RGS12: variants seen among roughly 807,000 people sequenced by gnomAD.
RGS12 encodes regulator of G-protein signaling 12.
Under a neutral mutation model 120.1 loss-of-function variants are expected in RGS12, and 66 were observed. That is an observed-to-expected ratio of 0.55 (90% confidence interval 0.45 to 0.67). RGS12 has a LOEUF of 0.67. Among genes scored for constraint, RGS12 ranks in the 30% least tolerant of loss-of-function variants. RGS12 has a pLI of 0.00. For synonymous variants in RGS12, 827 were observed against 804.7 expected (o/e 1.03, Z -0.47); for missense variants, 1,859 against 1,957.7 (o/e 0.95, Z 0.95).
At position 3,348,870 on chromosome 4, in the gene RGS12, A is replaced by AGCC. The variant is rs375071825; in HGVS notation, c.1998+5819_1998+5821dup. 9.8e-4 allele frequency among the ~76,000 whole-genome samples: 149 copies of AGCC among 152,324 alleles called. 1 individual carries two copies. Among genetic ancestry groups the AGCC allele is most frequent in the African/African-American group, 3.4e-3 (143 of 41,582 alleles). ...GTCACACGCAGCAAGGCCAAGCCCA[A>AGCC]GCCGAGGCTGTCAGATTCACCTGGA... On this transcript the variant is annotated intron_variant, in intron 3 of 17. Coordinates refer to ENST00000336727, the MANE Select transcript of RGS12 (RefSeq NM_001394154.1).
Position 3,293,052 on chromosome 4 carries a change from G to GGTGGCGCGGGCC in RGS12, c.-147_-136dup, listed in dbSNP as rs1723132213. 1 of 148,246 alleles carries GGTGGCGCGGGCC rather than the reference G, an allele frequency of 6.7e-6. No homozygotes were observed. The highest frequency in any genetic ancestry group is 1.5e-5 in the Non-Finnish European group (1 of 66,374). 9.2% of individuals were successfully genotyped at this position (148,246 alleles called of 1,614,324 possible). On this transcript the variant is annotated 5_prime_UTR_variant, in exon 1 of 18. Transcript: ENST00000336727. ...CGAGGCGACCGTTGCGCGCGCGGGCGGTGGCGCGGGCCGAAGCGCCCGGAG... is the reference window on the plus strand; with the variant it reads ...CGAGGCGACCGTTGCGCGCGCGGGCGGTGGCGCGGGCCGTGGCGCGGGCCGAAGCGCCCGGAG...
At chr4:3,394,985 AT>A (rs1199587208) in intron 4 of RGS12, among the ~76,000 whole-genome samples, 1 of 152,092 alleles carries the variant, frequency 6.6e-6, no homozygotes, top group Admixed American at 6.6e-5. Context: ...CCTGGCCAAT[AT>A]GGCAAAACCC....
At chr4:3,332,634 C>A (rs1030823269) in intron 2 of RGS12, among the ~76,000 whole-genome samples, 1 of 152,190 alleles carries the variant, frequency 6.6e-6, no homozygotes, top group African/African-American at 2.4e-5. Context: ...GAGGCGCCTA[C>A]TCAAACCTTT....
rs115188744 is a variant in RGS12 at position 3,329,029 on chromosome 4, C to T, written c.1881+10978C>T. On this transcript the variant is annotated intron_variant, in intron 2 of 17. Transcript: ENST00000336727. ...AAGGGGAAGTTGTCAGGCCAAGAGGCTCAGCTGTTGGATTCCAGGTTGGAG... is the reference window on the plus strand; with the variant it reads ...AAGGGGAAGTTGTCAGGCCAAGAGGTTCAGCTGTTGGATTCCAGGTTGGAG... 9.7e-3 allele frequency among the ~76,000 whole-genome samples: 1,479 copies of T among 152,270 alleles called. 12 individuals are homozygous for T. Among genetic ancestry groups the T allele is most frequent in the Non-Finnish European group, 0.016 (1,060 of 68,012 alleles).
intron 3 of RGS12, among the ~76,000 whole-genome samples, chr4:3,368,474 T>A (rs1578843535): frequency 9.6e-6 from 1 of 104,292 alleles, no homozygotes. Flanking sequence ...TGTGTGGGGG[T>A]GCCTGTGTGT....
chr4:3,309,103 GGAA>G, intron 1 of RGS12, among the ~76,000 whole-genome samples: 2 of 120,634 alleles, frequency 1.7e-5, no homozygotes, highest in African/African-American at 3.3e-5. Context: ...TCTGCTGAGG[GGAA>G]CCGTGTTGAG....
At chr4:3,432,249 T>C in intron 17 of RGS12, 1 of 822,478 alleles carries the variant, frequency 1.2e-6, no homozygotes, top group Non-Finnish European at 1.5e-6. Context: ...TATTTTAATC[T>C]AGGGGAAATA....
chr4:3,395,304 CAGG>C (rs749207405), intron 4 of RGS12, among the ~76,000 whole-genome samples: 5 of 152,072 alleles, frequency 3.3e-5, no homozygotes, highest in Non-Finnish European at 7.3e-5. Flanking sequence ...GTGAGTCTAT[CAGG>C]AGCTGTTTAC....
chr4:3,395,032 C>G (rs939108988), intron 4 of RGS12, among the ~76,000 whole-genome samples: 1 of 150,418 alleles, frequency 6.6e-6, no homozygotes, highest in Admixed American at 6.6e-5. Flanking sequence ...CAAAACAAAA[C>G]AAAAAAAAAC....
chr4:3,316,798 A>G lies in RGS12; in HGVS notation c.628A>G (p.Ser210Gly). ...AGTTATTCATGATGATTCGGTTTTC[A>G]GCATTGGACTAGAAAGTCATGACGA... The part of the protein sequence containing the change: ...SKVIHDDSVF[S>G]IGLESHDDFA... The change falls in exon 2 of 18, where the codon AGC (serine) becomes GGC (glycine). Residue 210 changes from serine to glycine, a missense_variant. Physicochemically the swap from Ser to Gly is moderately conservative, Grantham distance 56. This residue lies in a region of RGS12 where 967 missense variants were observed against 994.2 expected (regional missense o/e 0.97). Coordinates refer to ENST00000336727, the MANE Select transcript of RGS12 (RefSeq NM_001394154.1). The G allele has an allele frequency of 6.2e-7, 1 of 1,614,226 alleles. No homozygotes were observed.
Position 3,433,164 on chromosome 4 carries a change from G to A in RGS12, c.4114+2209G>A, listed in dbSNP as rs1724486991. ...GAGTGCTGACCTGTCCGTTTTCAGG[G>A]TTTAGGAGCTTGGGGGTCATCCCGG... On this transcript the variant is annotated intron_variant, in intron 17 of 17. Coordinates refer to ENST00000336727, the MANE Select transcript of RGS12 (RefSeq NM_001394154.1). This position sits in a 1 kb window ranked among gnomAD's most constrained non-coding sequence, Gnocchi z 4.4. 6.6e-6 allele frequency among the ~76,000 whole-genome samples: 1 copy of A among 152,216 alleles called. No individual in the cohort carries two copies. Among genetic ancestry groups the A allele is most frequent in the South Asian group, 2.1e-4 (1 of 4,838 alleles).
At position 3,404,666 on chromosome 4, in the gene RGS12, A is replaced by G. The variant is rs185011277; in HGVS notation, c.2021-9406A>G. Among the ~76,000 whole-genome samples, 20 of 152,346 alleles carry G rather than the reference A, an allele frequency of 1.3e-4. No homozygotes were observed. In the East Asian group the frequency reaches 3.5e-3, roughly 26 times the overall value. On this transcript the variant is annotated intron_variant, in intron 4 of 17. Transcript: ENST00000336727. Reference sequence around the variant, plus strand: ...CGTCAGTATGAACCGATGGCTTTCAATAGAGGGATGTGTGGATGGAGAGAT... The same window carrying G: ...CGTCAGTATGAACCGATGGCTTTCAGTAGAGGGATGTGTGGATGGAGAGAT...
At chr4:3,391,802 G>GCCT (rs1189468257) in intron 4 of RGS12, among the ~76,000 whole-genome samples, 1 of 150,814 alleles carries the variant, frequency 6.6e-6, no homozygotes, top group African/African-American at 2.4e-5. Flanking sequence ...GTGTTTGGGG[G>GCCT]CGTCAGAGAG....
intron 3 of RGS12, among the ~76,000 whole-genome samples, chr4:3,376,198 C>T (rs1469785065): frequency 1.3e-5 from 2 of 151,916 alleles, no homozygotes; most frequent in Non-Finnish European, 1.5e-5. Flanking sequence ...TTGGTTTTTG[C>T]CCTGGTTCAG....
In RGS12 at chr4:3,355,460, GGATGATGTGATTGTTACTGTTCTCA is replaced by G. The variant is rs1346957096; in HGVS notation, c.1998+12422_1998+12446del. ...AAGAAGTGAAAATGTTACTGTTCTC[GGATGATGTGATTGTTACTGTTCTCA>G]GATGATGTGATTGTAACAGAAGATC... On this transcript the variant is annotated intron_variant, in intron 3 of 17. Coordinates refer to ENST00000336727, the MANE Select transcript of RGS12 (RefSeq NM_001394154.1). Among the ~76,000 whole-genome samples, 34 of 152,052 alleles carry G rather than the reference GGATGATGTGATTGTTACTGTTCTCA, an allele frequency of 2.2e-4. 1 individual carries two copies. The highest frequency in any genetic ancestry group is 4.3e-4 in the Non-Finnish European group (29 of 67,984).
chr4:3,370,310 A>C (rs775568886), intron 3 of RGS12: 1 of 1,614,152 alleles, frequency 6.2e-7, no homozygotes, highest in Non-Finnish European at 8.5e-7. Context: ...CCATGTTTCT[A>C]ATGACCAGCA....
Position 3,433,250 on chromosome 4 carries a change from C to G in RGS12, c.4114+2295C>G, listed in dbSNP as rs1018341697. On this transcript the variant is annotated intron_variant, in intron 17 of 17. Coordinates refer to ENST00000336727, the MANE Select transcript of RGS12 (RefSeq NM_001394154.1). The surrounding 1 kb of genome is among the most constrained non-coding windows in gnomAD (Gnocchi z 4.4). ...GCTTCCTCACAATGTGGCAGCCGCC[C>G]TGGACCCAGCGTCCGGGGTGAGAAA... is the stretch of plus-strand genomic sequence containing the variant. Among the ~76,000 whole-genome samples, 6 of 152,222 alleles carry G rather than the reference C, an allele frequency of 3.9e-5. No individual in the cohort carries two copies. Among genetic ancestry groups the G allele is most frequent in the African/African-American group, 1.2e-4 (5 of 41,452 alleles).
chr4:3,427,187 A>G (rs1183176774), intron 14 of RGS12, among the ~76,000 whole-genome samples: 1 of 152,178 alleles, frequency 6.6e-6, no homozygotes, highest in Non-Finnish European at 1.5e-5. Context: ...CAGGCACAGC[A>G]TGTGTAACCC....
At chr4:3,369,280 T>C (rs915585586) in intron 3 of RGS12, among the ~76,000 whole-genome samples, 6 of 152,246 alleles carry the variant, frequency 3.9e-5, no homozygotes, top group African/African-American at 1.4e-4. Context: ...CAAGCAGCCA[T>C]TGTGCATTTC....
Sources: allele counts gnomAD v4.1 joint callset (sites outside exome capture counted in the v4.1 genomes callset), GRCh38; gene constraint gnomAD v4.1.1; regional missense constraint gnomAD v4.1.1; non-coding constraint Gnocchi (gnomAD v3.1); transcripts MANE v1.5; gene names NCBI Gene and HGNC (gene_info 2026-07-23, HGNC 2026-07-21).